SGK1: variants seen among roughly 807,000 people sequenced by gnomAD.
SGK1 encodes the protein serum/glucocorticoid regulated kinase 1.
SGK1 carries 26 observed loss-of-function variants against 64.2 expected under a neutral mutation model. The ratio of observed to expected loss-of-function variants is 0.40; its 90% confidence interval spans 0.30 to 0.56. The LOEUF is 0.56. Ranked by LOEUF, SGK1 falls within the 20% of genes least tolerant of loss-of-function variation. The pLI, the probability that SGK1 is intolerant of heterozygous loss-of-function variation, is 0.38. For missense variants in SGK1, 519 were observed against 645.6 expected, an observed-to-expected ratio of 0.80 and a Z score of 2.12; for synonymous variants, 265 against 239.7, an observed-to-expected ratio of 1.11 and a Z score of -0.98.
chr6:134,191,835 A>AT (rs71003671), intron 3 of SGK1, among the ~76,000 whole-genome samples: 5,491 of 61,170 alleles, frequency 0.09, 627 homozygotes, highest in African/African-American at 0.14. Flanking sequence ...CGCCCGGCTG[A>AT]TTTTTTTTTT....
intron 1 of SGK1, among the ~76,000 whole-genome samples, chr6:134,278,427 A>G (rs576420115): frequency 2.0e-5 from 3 of 152,224 alleles, no homozygotes; most frequent in Non-Finnish European, 4.4e-5. Flanking sequence ...TGGTAAATGA[A>G]AGGTAAGATG....
chr6:134,240,386 T>C (rs1582735952), intron 2 of SGK1, among the ~76,000 whole-genome samples: 1 of 151,450 alleles, frequency 6.6e-6, no homozygotes, highest in African/African-American at 2.4e-5. Context: ...TAAATAACCA[T>C]GTCAGTAGAT....
intron 2 of SGK1, among the ~76,000 whole-genome samples, chr6:134,244,779 CTT>C (rs1776500805): frequency 6.6e-6 from 1 of 152,110 alleles, no homozygotes; most frequent in Non-Finnish European, 1.5e-5. Flanking sequence ...GCCCGGGAAT[CTT>C]ATTTATTTTT....
chr6:134,175,962 C>T, intron 3 of SGK1: 2 of 1,152,066 alleles, frequency 1.7e-6, no homozygotes, highest in South Asian at 7.9e-5. Context: ...TAAAAGTCGT[C>T]TCTGCACTAA....
intron 3 of SGK1, among the ~76,000 whole-genome samples, chr6:134,196,015 G>C (rs932701487): frequency 1.3e-5 from 2 of 152,094 alleles, no homozygotes; most frequent in African/African-American, 4.8e-5. Context: ...GGTAAAAAGA[G>C]CTAACATAAA....
intron 4 of SGK1, 197 bp from the exon 5 acceptor site, chr6:134,174,277 G>A (rs972207955): frequency 3.3e-6 from 2 of 603,926 alleles, no homozygotes; most frequent in African/African-American, 3.7e-5. Context: ...TGCTCATGGA[G>A]AAAGGCCGTG....
At chr6:134,210,714 C>T (rs1175488806) in intron 2 of SGK1, among the ~76,000 whole-genome samples, 1 of 149,310 alleles carries the variant, frequency 6.7e-6, no homozygotes, top group Non-Finnish European at 1.5e-5. Flanking sequence ...ATCCCAGCTA[C>T]TCGGGAGGCT....
chr6:134,235,468 C>A (rs1776346928), intron 2 of SGK1, among the ~76,000 whole-genome samples: 1 of 151,412 alleles, frequency 6.6e-6, no homozygotes, highest in South Asian at 2.1e-4. Flanking sequence ...AATGAGATTA[C>A]TTTAAAATAA....
At chr6:134,282,661 A>T (rs532814280) in intron 1 of SGK1, among the ~76,000 whole-genome samples, 3 of 151,530 alleles carry the variant, frequency 2.0e-5, no homozygotes, top group Non-Finnish European at 4.4e-5. Flanking sequence ...TCAAAAAAAA[A>T]AATAAAATAA....
rs1775130385 is a variant in SGK1, at chr6:134,174,134, C to G, written c.438-54G>C. On this transcript the variant is annotated intron_variant, in intron 4 of 13. Coordinates refer to ENST00000367858, the MANE Select transcript of SGK1 (RefSeq NM_001143676.3). The stretch of plus-strand genomic sequence containing the variant: ...ATCCAGCTCGCCACTAGGGGGCACA[C>G]CAACATCAAAAGTGAGTTTCTGGCT... 1.1e-5 allele frequency: 14 copies of G among 1,317,384 alleles called. 1 individual carries two copies. The Middle Eastern group carries it at 7.7e-4, about 72-fold the overall frequency. 81.6% of individuals were successfully genotyped at this position (1,317,384 alleles called of 1,614,324 possible).
At chr6:134,185,815 T>C (rs1402030900) in intron 3 of SGK1, among the ~76,000 whole-genome samples, 3 of 152,024 alleles carry the variant, frequency 2.0e-5, no homozygotes, top group African/African-American at 7.3e-5. Flanking sequence ...GGGCTGCTGG[T>C]GTAAGTCCTA....
chr6:134,177,122 G>T lies in SGK1; in HGVS notation c.362-2536C>A, dbSNP rs1366425330. Among the ~76,000 whole-genome samples the T allele has an allele frequency of 7.2e-5, 11 of 152,252 alleles. 1 individual carries two copies. The South Asian group carries it at 2.3e-3, about 32-fold the overall frequency. Reference sequence around the variant, plus strand: ...CCAGTTACTCGGGAGGCTGAGGCAGGAGAATCGCTTGAACCCGGGAGGCGG... The same window carrying T: ...CCAGTTACTCGGGAGGCTGAGGCAGTAGAATCGCTTGAACCCGGGAGGCGG... On this transcript the variant is annotated intron_variant, in intron 3 of 13. Transcript: ENST00000367858.
chr6:134,212,067 T>TTTTTTTTG (rs1554221193), intron 2 of SGK1, among the ~76,000 whole-genome samples: 1 of 148,370 alleles, frequency 6.7e-6, no homozygotes, highest in African/African-American at 2.5e-5. Flanking sequence ...TTGTTTTTTT[T>TTTTTTTTG]GGGGGGGACG....
intron 3 of SGK1, among the ~76,000 whole-genome samples, chr6:134,195,227 C>T (rs117423888): frequency 0.013 from 1,954 of 152,242 alleles, 22 homozygotes; most frequent in Non-Finnish European, 0.02. Flanking sequence ...ATTAGAAAAA[C>T]GAGCTATTGT....
At chr6:134,298,264 T>C in intron 1 of SGK1, 1 of 1,570,972 alleles carries the variant, frequency 6.4e-7, no homozygotes, top group Non-Finnish European at 8.7e-7. Context: ...CCTAAGGTTG[T>C]TGAAGTAGCT....
intron 1 of SGK1, among the ~76,000 whole-genome samples, chr6:134,275,153 G>A (rs578048557): frequency 7.2e-5 from 11 of 151,852 alleles, no homozygotes; most frequent in Non-Finnish European, 1.5e-4. Context: ...GGGTGCATTG[G>A]CTCACCTCAT....
intron 1 of SGK1, among the ~76,000 whole-genome samples, chr6:134,309,174 C>T (rs570437348): frequency 2.2e-4 from 34 of 152,346 alleles, no homozygotes; most frequent in Middle Eastern, 3.4e-3. Flanking sequence ...CTCTACTGCT[C>T]TAGTTACATC....
At chr6:134,231,651 C>G (rs537537556) in intron 2 of SGK1, among the ~76,000 whole-genome samples, 4 of 152,176 alleles carry the variant, frequency 2.6e-5, no homozygotes, top group African/African-American at 4.8e-5. Flanking sequence ...CATCTTGACA[C>G]TATTTATAAT....
At chr6:134,257,927 A>G (rs1045073780) in intron 2 of SGK1, among the ~76,000 whole-genome samples, 7 of 152,334 alleles carry the variant, frequency 4.6e-5, no homozygotes, top group Admixed American at 3.9e-4. Flanking sequence ...TTTGCCTAAA[A>G]TAATCTGCAT....
Sources: allele counts gnomAD v4.1 joint callset (sites outside exome capture counted in the v4.1 genomes callset), GRCh38; gene constraint gnomAD v4.1.1; transcripts MANE v1.5; gene names NCBI Gene and HGNC (gene_info 2026-07-23, HGNC 2026-07-21).